Variants in STK32A observed in about 807,000 individuals in gnomAD.
STK32A encodes serine/threonine-protein kinase 32A.
In STK32A, 41 loss-of-function variants were observed where a neutral mutation model predicts 53.2. The ratio of observed to expected loss-of-function variants is 0.77; its 90% CI spans 0.60 to 1.00. The LOEUF is 1.00. Ranked by LOEUF, STK32A falls within the 50% of genes least tolerant of loss-of-function variation. The pLI is 0.00. For missense variants in STK32A, 458 were observed against 485.8 expected (o/e 0.94, Z 0.54); for synonymous variants, 166 against 162.8 (o/e 1.02, Z -0.15).
intron 11 of STK32A, among the ~76,000 whole-genome samples, chr5:147,378,211 T>C (rs1015412222): frequency 1.3e-5 from 2 of 152,132 alleles, no homozygotes; most frequent in Admixed American, 1.3e-4. Context: ...TGGGAATTGC[T>C]CACTGGACCT....
At chr5:147,281,739 A>C (rs150737372) in intron 4 of STK32A, among the ~76,000 whole-genome samples, 57 of 152,300 alleles carry the variant, frequency 3.7e-4, no homozygotes, top group African/African-American at 1.3e-3. Flanking sequence ...AGACATCCAA[A>C]TACAAGAAGC....
At chr5:147,397,793 A>T in the STK32A span, 4 of 1,614,040 alleles carry the variant, frequency 2.5e-6, no homozygotes, top group Non-Finnish European at 3.4e-6. Flanking sequence ...GCAGATGACA[A>T]CCAGAGGAGC....
intron 1 of STK32A, 89 bp from the exon 2 acceptor site, chr5:147,239,450 A>T: frequency 2.0e-6 from 1 of 508,756 alleles, no homozygotes; most frequent in Non-Finnish European, 3.5e-6. Context: ...ACAGTGATAC[A>T]GATGAGGTTT....
intron 4 of STK32A, among the ~76,000 whole-genome samples, chr5:147,303,824 G>A (rs1581064336): frequency 1.3e-5 from 2 of 152,186 alleles, no homozygotes; most frequent in East Asian, 3.9e-4. Flanking sequence ...GAAGAAGGGA[G>A]CACAGTTTCT....
intron 2 of STK32A, among the ~76,000 whole-genome samples, chr5:147,275,598 A>G (rs1755222796): frequency 6.6e-6 from 1 of 152,168 alleles, no homozygotes; most frequent in Non-Finnish European, 1.5e-5. Flanking sequence ...TGCTGGGATT[A>G]CAGGTGTGAG....
In STK32A at chr5:147,239,495, G is replaced by C. The variant is rs1580970670; in HGVS notation, c.-96-44G>C. On this transcript the variant is annotated intron_variant, in intron 1 of 12. Transcript: ENST00000397936. ...CCACAGTCTATACTCAGGGTGCCTA[G>C]AGTATAGCATATTATTAGGGTACTA... The C allele has an allele frequency of 6.3e-6, 4 of 635,742 alleles. No homozygotes were observed. The East Asian group carries it at 1.1e-4, about 18-fold the overall frequency. 39.4% of individuals were successfully genotyped at this position (635,742 alleles called of 1,614,324 possible). A position where few individuals can be genotyped will look rare whatever the true frequency, so the allele number is the denominator to read the frequency against.
chr5:147,375,965 C>G (rs1169857430), intron 11 of STK32A: 3 of 152,128 alleles, frequency 2.0e-5, no homozygotes, highest in Non-Finnish European at 4.4e-5. Context: ...TCCATCAATC[C>G]CTGCCTCCCT....
chr5:147,261,397 CT>C (rs1754564870), intron 2 of STK32A, among the ~76,000 whole-genome samples: 1 of 152,146 alleles, frequency 6.6e-6, no homozygotes, highest in South Asian at 2.1e-4. Context: ...TGTTGTCTCC[CT>C]GTTGGCTAGG....
intron 10 of STK32A, among the ~76,000 whole-genome samples, 168 bp downstream of exon 10, chr5:147,373,462 C>T (rs1312947597): frequency 6.6e-6 from 1 of 152,132 alleles, no homozygotes; most frequent in Non-Finnish European, 1.5e-5. Flanking sequence ...AGTTTGTCAC[C>T]AAAGGTCACA....
chr5:147,274,110 G>A (rs997295046), intron 2 of STK32A, among the ~76,000 whole-genome samples: 14 of 152,166 alleles, frequency 9.2e-5, no homozygotes, highest in South Asian at 6.2e-4. Context: ...ACATTAAGGT[G>A]CATTCAGCTT....
chr5:147,286,882 A>T (rs897407373), intron 4 of STK32A, among the ~76,000 whole-genome samples: 3 of 152,150 alleles, frequency 2.0e-5, no homozygotes, highest in Non-Finnish European at 4.4e-5. Context: ...TAGTTATTAG[A>T]TACTTTCTTT....
chr5:147,259,812 TTCTC>T (rs1184764429), intron 2 of STK32A, among the ~76,000 whole-genome samples: 5 of 144,330 alleles, frequency 3.5e-5, no homozygotes, highest in South Asian at 2.2e-4. Flanking sequence ...TCTGTCCTGT[TTCTC>T]TCTCTCTCTT....
chr5:147,301,876 C>T (rs1179185432), intron 4 of STK32A, among the ~76,000 whole-genome samples: 1 of 152,170 alleles, frequency 6.6e-6, no homozygotes, highest in Non-Finnish European at 1.5e-5. Context: ...CTTGAGGCTG[C>T]CTGTATTCTC....
At chr5:147,336,197 A>C (rs919099865) in intron 5 of STK32A, among the ~76,000 whole-genome samples, 1 of 152,326 alleles carries the variant, frequency 6.6e-6, no homozygotes, top group South Asian at 2.1e-4. Context: ...TACTACACAC[A>C]GTATAGCCTA....
intron 4 of STK32A, among the ~76,000 whole-genome samples, chr5:147,281,674 A>G (rs1314741699): frequency 6.6e-6 from 1 of 152,046 alleles, no homozygotes; most frequent in Non-Finnish European, 1.5e-5. Context: ...AAAAGCTTGG[A>G]AAACATATCT....
At position 147,295,128 on chromosome 5, in the gene STK32A, TTTC is replaced by T. The variant is rs1351556624; in HGVS notation, c.260+15731_260+15733del. 5.3e-5 allele frequency among the ~76,000 whole-genome samples: 8 copies of T among 152,374 alleles called. No homozygotes were observed. The East Asian group carries it at 1.3e-3, about 26-fold the overall frequency. ...CCATTTCATAATTTTTATAAAGTTG[TTTC>T]CTCAATTATTTTGTTTATTAACAGA... On this transcript the variant is annotated intron_variant, in intron 4 of 12. Coordinates refer to ENST00000397936, the MANE Select transcript of STK32A (RefSeq NM_001112724.2).
At chr5:147,240,090 C>T (rs1239178910) in intron 2 of STK32A, 2 of 157,070 alleles carry the variant, frequency 1.3e-5, no homozygotes, top group Non-Finnish European at 2.8e-5. Flanking sequence ...GAAGCTGTGC[C>T]TTCTGAATTT....
At chr5:147,301,302 T>C (rs2151966161) in intron 4 of STK32A, among the ~76,000 whole-genome samples, 1 of 152,260 alleles carries the variant, frequency 6.6e-6, no homozygotes, top group Non-Finnish European at 1.5e-5. Context: ...AATGTATTTT[T>C]TTTTTCCTAT....
intron 7 of STK32A, among the ~76,000 whole-genome samples, chr5:147,355,810 AT>A (rs1756210826): frequency 9.2e-5 from 14 of 151,578 alleles, no homozygotes; most frequent in East Asian, 1.9e-4. Flanking sequence ...ATATATATAT[AT>A]AAATAAGTTC....
Sources: gnomAD v4.1 joint callset for allele counts (sites outside exome capture counted in the v4.1 genomes callset) on GRCh38, gnomAD v4.1.1 for gene constraint, MANE v1.5 for transcripts, NCBI Gene and HGNC (gene_info 2026-07-23, HGNC 2026-07-21) for gene names.